The following PCDH15 variants were observed in gnomAD, a reference collection of about 807,000 sequenced individuals.
The protein encoded by PCDH15 is protocadherin related 15, also known as protocadherin-15.
A neutral mutation model predicts 178.5 loss-of-function variants in PCDH15; 129 were observed. That is an observed-to-expected ratio of 0.72 (90% CI 0.63 to 0.84). PCDH15 has a LOEUF of 0.84. Ranked by LOEUF, PCDH15 falls within the 40% of genes least tolerant of loss-of-function variation. PCDH15 has a pLI of 0.00. For missense variants in PCDH15, 2,230 were observed against 2,099.9 expected, an observed-to-expected ratio of 1.06 and a Z score of -1.21; for synonymous variants, 800 against 732.0, an observed-to-expected ratio of 1.09 and a Z score of -1.50.
chr10:54,361,797 C>CG (rs961595644), intron 5 of PCDH15, among the ~76,000 whole-genome samples: 1 of 151,894 alleles, frequency 6.6e-6, no homozygotes, highest in African/African-American at 2.4e-5. Flanking sequence ...TTTTAAGACT[C>CG]GGGAAATAAA....
intron 2 of PCDH15, among the ~76,000 whole-genome samples, chr10:55,158,772 C>T (rs1251672643): frequency 6.6e-6 from 1 of 151,120 alleles, no homozygotes; most frequent in Non-Finnish European, 1.5e-5. Context: ...GTCAGAGGCA[C>T]TTGATATATT....
At chr10:54,532,826 C>A (rs1205740051) in intron 2 of PCDH15, among the ~76,000 whole-genome samples, 1 of 151,914 alleles carries the variant, frequency 6.6e-6, no homozygotes, top group East Asian at 1.9e-4. Context: ...AAGTTCTCCC[C>A]AAATCTGTGA....
rs565979489 is a variant in PCDH15, at chr10:53,991,002, G to T, written c.2868+4647C>A. On this transcript the variant is annotated intron_variant, in intron 21 of 37. Coordinates refer to ENST00000644397, the MANE Select transcript of PCDH15 (RefSeq NM_001384140.1). ...CTGAGTCCCCCAGCACTGCCCGCCC[G>T]CCCACGCTGCACTCGAATTCTCGCC... Among the ~76,000 whole-genome samples the T allele has an allele frequency of 2.6e-5, 4 of 152,078 alleles. No homozygotes were observed. The South Asian group carries it at 8.3e-4, about 31-fold the overall frequency.
chr10:54,305,911 C>T (rs11004214), intron 8 of PCDH15, among the ~76,000 whole-genome samples: 40,003 of 151,626 alleles, frequency 0.26, 6,618 homozygotes, highest in Middle Eastern at 0.38. Flanking sequence ...GACCAGGAAG[C>T]AGGAGGAAGA....
intron 2 of PCDH15, among the ~76,000 whole-genome samples, chr10:54,638,620 T>C (rs924912969): frequency 1.3e-5 from 2 of 152,144 alleles, no homozygotes; most frequent in Non-Finnish European, 2.9e-5. Context: ...TATTATTTAA[T>C]TTTTATTTAT....
intron 1 of PCDH15, among the ~76,000 whole-genome samples, chr10:55,317,427 C>G (rs899370993): frequency 6.6e-6 from 1 of 151,972 alleles, no homozygotes; most frequent in Non-Finnish European, 1.5e-5. Context: ...TAATATCTTA[C>G]CCTTTTAATG....
intron 3 of PCDH15, among the ~76,000 whole-genome samples, chr10:54,814,163 G>T (rs894003692): frequency 2.6e-5 from 4 of 152,142 alleles, no homozygotes; most frequent in African/African-American, 9.7e-5. Context: ...ATAACATTGT[G>T]TAATTTGTCC....
chr10:55,512,360 G>A (rs970949445), intron 2 of PCDH15, among the ~76,000 whole-genome samples: 9 of 151,912 alleles, frequency 5.9e-5, no homozygotes, highest in African/African-American at 1.9e-4. Context: ...TTATTCTAGG[G>A]TGTCTTGTGG....
chr10:55,080,804 A>G (rs373922374), intron 2 of PCDH15, among the ~76,000 whole-genome samples: 27 of 152,258 alleles, frequency 1.8e-4, no homozygotes, highest in African/African-American at 6.5e-4. Context: ...CACTTTCTAC[A>G]TGTGAGCCAG....
chr10:55,159,121 G>A lies in PCDH15; in HGVS notation c.-80+7455C>T, dbSNP rs1192123862. Among the ~76,000 whole-genome samples, 3 of 151,504 alleles carry A rather than the reference G, an allele frequency of 2.0e-5. No individual in the cohort carries two copies. In the East Asian group the frequency reaches 5.8e-4, roughly 29 times the overall value. ...AAATAGCTAGTGAATGGTGGTCTTG[G>A]GATTATATTTCAGATCTTCTGACTG... On this transcript the variant is annotated intron_variant, in intron 2 of 5. Coordinates refer to the PCDH15 transcript ENST00000458638.
At chr10:54,467,606 T>G (rs896796043) in intron 3 of PCDH15, among the ~76,000 whole-genome samples, 2 of 146,560 alleles carry the variant, frequency 1.4e-5, no homozygotes, top group South Asian at 2.1e-4. Context: ...CTGTAGTTTT[T>G]TTTTTTTTTT....
intron 2 of PCDH15, among the ~76,000 whole-genome samples, chr10:55,563,649 G>T (rs1159390781): frequency 6.6e-6 from 1 of 151,402 alleles, no homozygotes; most frequent in East Asian, 2.0e-4. Context: ...TAGAGTCACC[G>T]AGAAAGACTT....
At chr10:53,915,540 T>G (rs2133822390) in intron 25 of PCDH15, among the ~76,000 whole-genome samples, 1 of 152,332 alleles carries the variant, frequency 6.6e-6, no homozygotes, top group African/African-American at 2.4e-5. Context: ...CTGCTGTCAC[T>G]ACTGGCTCCA....
rs74138827 is a variant in PCDH15 at position 54,948,457 on chromosome 10, C to T, written c.-79-50957G>A. Among the ~76,000 whole-genome samples the T allele has an allele frequency of 7.3e-3, 1,108 of 151,922 alleles. 13 individuals are homozygous for T. Among genetic ancestry groups the T allele is most frequent in the African/African-American group, 0.026 (1,074 of 41,472 alleles). ...TAACTTGACAGAGCTAAGGAATATC[C>T]AGGACAGCTAATGAGACATTATTTC... On this transcript the variant is annotated intron_variant, in intron 2 of 5. Transcript: ENST00000458638.
At chr10:54,676,598 T>G (rs1031473561) in intron 1 of PCDH15, among the ~76,000 whole-genome samples, 2 of 152,162 alleles carry the variant, frequency 1.3e-5, no homozygotes, top group Non-Finnish European at 2.9e-5. Context: ...TCCACTTTAT[T>G]AACACTCTTG....
chr10:54,606,026 T>G (rs2092725760), intron 2 of PCDH15: 1 of 152,132 alleles, frequency 6.6e-6, no homozygotes, highest in African/African-American at 2.4e-5. Flanking sequence ...GGCTGCTTTG[T>G]TTTCTATAGC....
chr10:54,234,338 G>T (rs955517999), intron 9 of PCDH15, among the ~76,000 whole-genome samples: 2 of 152,014 alleles, frequency 1.3e-5, no homozygotes, highest in Non-Finnish European at 2.9e-5. Context: ...CAATGTATTG[G>T]ATCAAATTCT....
chr10:54,912,664 A>G (rs996048828), intron 2 of PCDH15, among the ~76,000 whole-genome samples: 1 of 152,192 alleles, frequency 6.6e-6, no homozygotes, highest in Non-Finnish European at 1.5e-5. Flanking sequence ...CCAGAGAAGT[A>G]GTACATCACT....
intron 25 of PCDH15, among the ~76,000 whole-genome samples, chr10:53,910,161 C>T (rs938037604): frequency 5.9e-5 from 9 of 152,132 alleles, no homozygotes; most frequent in African/African-American, 1.9e-4. Flanking sequence ...AATGGTTCTC[C>T]CAGCACGGTA....
Sources: allele counts gnomAD v4.1 joint callset (sites outside exome capture counted in the v4.1 genomes callset), GRCh38; gene constraint gnomAD v4.1.1; transcripts MANE v1.5; gene names NCBI Gene and HGNC (gene_info 2026-07-23, HGNC 2026-07-21).